Variants in ANK3 observed in about 807,000 individuals in gnomAD.
ANK3 encodes ankyrin 3, also known as ankyrin-3.
In ANK3, 57 loss-of-function variants were observed where a neutral mutation model predicts 370.9. The ratio of observed to expected loss-of-function variants is 0.15; its 90% CI spans 0.12 to 0.19. The LOEUF (loss-of-function observed/expected upper bound fraction) is 0.19, where lower values mean the gene tolerates loss of function less well. Among genes scored for constraint, ANK3 ranks in the 10% least tolerant of loss-of-function variants. The pLI is 1.00. For missense variants in ANK3, 4,439 were observed against 5,302.1 expected (o/e 0.84, Z 5.06); for synonymous variants, 1,929 against 1,946.3 (o/e 0.99, Z 0.23).
At chr10:60,699,629 T>A (rs1267868684) in intron 1 of ANK3, among the ~76,000 whole-genome samples, 1 of 151,970 alleles carries the variant, frequency 6.6e-6, no homozygotes, top group Non-Finnish European at 1.5e-5. Flanking sequence ...AATGATCAAT[T>A]TTTTAAAATT....
intron 2 of ANK3, among the ~76,000 whole-genome samples, chr10:60,479,530 A>G (rs187440545): frequency 6.6e-6 from 1 of 152,282 alleles, no homozygotes. Flanking sequence ...TATTAAGAGG[A>G]TTAGCTGACT....
chr10:60,226,590 T>A, intron 8 of ANK3, among the ~76,000 whole-genome samples: 2 of 92,752 alleles, frequency 2.2e-5, no homozygotes, highest in South Asian at 6.7e-4. Context: ...ATACTATGTA[T>A]ATATACTATA....
rs181749878 is a variant in ANK3, at chr10:60,125,684, G to A, written c.2841+8587C>T. Among the ~76,000 whole-genome samples, 284 of 152,258 alleles carry A rather than the reference G, an allele frequency of 1.9e-3. 1 individual carries two copies. Among genetic ancestry groups the A allele is most frequent in the African/African-American group, 6.5e-3 (270 of 41,548 alleles). On this transcript the variant is annotated intron_variant, in intron 25 of 43. Coordinates refer to ENST00000280772, the MANE Select transcript of ANK3 (RefSeq NM_020987.5). ...TAATCTGCCGACGGGTGTGGGAGATGGGGGTGGGAGTGTGGGTGGAATAGG... is the reference window on the plus strand; with the variant it reads ...TAATCTGCCGACGGGTGTGGGAGATAGGGGTGGGAGTGTGGGTGGAATAGG...
chr10:60,137,694 T>C (rs12778672), intron 24 of ANK3, among the ~76,000 whole-genome samples: 1 of 152,026 alleles, frequency 6.6e-6, no homozygotes, highest in African/African-American at 2.4e-5. Flanking sequence ...AAAAATACAG[T>C]GCGATATTCT....
chr10:60,297,826 A>G (rs1350246176), intron 1 of ANK3, among the ~76,000 whole-genome samples: 1 of 152,152 alleles, frequency 6.6e-6, no homozygotes, highest in African/African-American at 2.4e-5. Flanking sequence ...TTTCCATTTC[A>G]AAACAAACAC....
chr10:60,526,714 T>C (rs1000090109), intron 2 of ANK3, among the ~76,000 whole-genome samples: 20 of 152,088 alleles, frequency 1.3e-4, no homozygotes, highest in African/African-American at 4.8e-4. Context: ...GGAAAAGAAA[T>C]GAGAGACCCA....
chr10:60,549,597 A>G (rs1431661455), intron 2 of ANK3, among the ~76,000 whole-genome samples: 4 of 151,988 alleles, frequency 2.6e-5, no homozygotes. Context: ...TCCAGACACA[A>G]AAAACATGAA....
chr10:60,505,493 T>C (rs759143600), intron 2 of ANK3, among the ~76,000 whole-genome samples: 7 of 152,140 alleles, frequency 4.6e-5, no homozygotes, highest in Non-Finnish European at 1.0e-4. Context: ...AAATTAAGCA[T>C]TAGCAATTGT....
At chr10:60,104,357 C>CAAAAAAAAAAAAAAAAAAAAAAAAAAAA (rs747064489) in intron 28 of ANK3, among the ~76,000 whole-genome samples, 1 of 53,726 alleles carries the variant, frequency 1.9e-5, no homozygotes, top group Non-Finnish European at 3.4e-5. Context: ...GACTCCATCT[C>CAAAAAAAAAAAAAAAAAAAAAAAAAAAA]AAAAAAAAAA....
intron 23 of ANK3, among the ~76,000 whole-genome samples, chr10:60,149,796 C>T (rs2095017276): frequency 6.6e-6 from 1 of 152,184 alleles, no homozygotes; most frequent in Non-Finnish European, 1.5e-5. Context: ...GCAACCTCCG[C>T]CTCCTGGGTT....
intron 1 of ANK3, among the ~76,000 whole-genome samples, chr10:60,724,225 A>G (rs952840052): frequency 1.3e-4 from 20 of 149,902 alleles, no homozygotes; most frequent in Admixed American, 1.0e-3. Flanking sequence ...AAAAAAAAAA[A>G]AAAAAAAGAA....
chr10:60,698,685 A>T (rs1296139338), intron 1 of ANK3, among the ~76,000 whole-genome samples: 1 of 135,960 alleles, frequency 7.4e-6, no homozygotes, highest in Non-Finnish European at 1.5e-5. Flanking sequence ...TCTCACTCAT[A>T]GGTGGGAATT....
chr10:60,109,076 C>T lies in ANK3; in HGVS notation c.2949-22G>A, dbSNP rs201117218. 6.0e-5 allele frequency: 96 copies of T among 1,589,328 alleles called. No homozygotes were observed. The African/African-American group carries it at 9.5e-4, about 16-fold the overall frequency. On this transcript the variant is annotated intron_variant, in intron 26 of 43. Coordinates refer to ENST00000280772, the MANE Select transcript of ANK3 (RefSeq NM_020987.5). The stretch of plus-strand genomic sequence containing the variant: ...AAACCTGAGGGGAGAAGATCAGAGG[C>T]CAATTCAAGGACGGAAATAAACTGT...
intron 38 of ANK3, among the ~76,000 whole-genome samples, chr10:60,064,800 T>C (rs10994178): frequency 1.3e-5 from 2 of 151,938 alleles, no homozygotes; most frequent in African/African-American, 4.8e-5. Flanking sequence ...AGGCAGGGGG[T>C]GCAGTGAGCT....
intron 8 of ANK3, among the ~76,000 whole-genome samples, chr10:60,227,792 G>A (rs945933770): frequency 6.6e-6 from 1 of 151,702 alleles, no homozygotes; most frequent in African/African-American, 2.4e-5. Context: ...CATTATACTC[G>A]TTTCTCCTAT....
In ANK3 at chr10:60,074,567, G is replaced by C. The variant is rs2083389951; in HGVS notation, c.6314C>G (p.Thr2105Arg). 1 of 1,614,040 alleles carries C rather than the reference G, an allele frequency of 6.2e-7. No homozygotes were observed. The highest frequency in any genetic ancestry group is 2.2e-5 in the East Asian group (1 of 44,874). Residue 2105 changes from threonine to arginine, a missense_variant, in exon 37 of 44, where the codon ACA becomes AGA. This residue lies in a region of ANK3 where 679 missense variants were observed against 791.0 expected (regional missense o/e 0.86). Transcript: ENST00000280772. ...LCKMADSFFGTDTILESPDDF... is the reference protein window; with the variant it reads ...LCKMADSFFGRDTILESPDDF... ...ATCAGGAGACTCTAAAATAGTATCT[G>C]TTCCAAAAAAGGAATCAGCCATTTT...
chr10:60,670,073 T>A (rs919643715), intron 1 of ANK3, among the ~76,000 whole-genome samples: 1 of 152,042 alleles, frequency 6.6e-6, no homozygotes, highest in South Asian at 2.1e-4. Flanking sequence ...GATCCTTTCG[T>A]CTCAGCCTCC....
chr10:60,175,358 G>A (rs541707374), intron 18 of ANK3, among the ~76,000 whole-genome samples: 34 of 152,262 alleles, frequency 2.2e-4, no homozygotes, highest in East Asian at 9.6e-4. Flanking sequence ...ATAGCACCTC[G>A]CATAAATACG....
chr10:60,484,317 C>T (rs1437414695), intron 2 of ANK3, among the ~76,000 whole-genome samples: 1 of 152,048 alleles, frequency 6.6e-6, no homozygotes, highest in Non-Finnish European at 1.5e-5. Flanking sequence ...AAGACAGGCA[C>T]AAATCTAGGG....
Sources: gnomAD v4.1 joint callset for allele counts (sites outside exome capture counted in the v4.1 genomes callset) on GRCh38, gnomAD v4.1.1 for gene constraint, gnomAD v4.1.1 regional missense constraint, MANE v1.5 for transcripts, NCBI Gene and HGNC (gene_info 2026-07-23, HGNC 2026-07-21) for gene names.